Variants in ABI2 observed in about 807,000 individuals in gnomAD.
ABI2 encodes abl interactor 2.
A neutral mutation model predicts 59.2 loss-of-function variants in ABI2; 25 were observed. The ratio of observed to expected loss-of-function variants is 0.42; its 90% confidence interval spans 0.31 to 0.59. ABI2 has a LOEUF of 0.59. Among genes scored for constraint, ABI2 ranks in the 20% least tolerant of loss-of-function variants. The probability of loss-of-function intolerance (pLI) is 0.14; values close to 1 mark genes in which losing one functional copy is unlikely to be tolerated. For missense variants in ABI2, 545 were observed against 681.8 expected (o/e 0.80, Z 2.23); for synonymous variants, 213 against 235.5 (o/e 0.90, Z 0.87).
At chr2:203,409,226 A>C (rs113272073) in intron 9 of ABI2, among the ~76,000 whole-genome samples, 4 of 152,152 alleles carry the variant, frequency 2.6e-5, no homozygotes, top group African/African-American at 7.2e-5. Context: ...TCTGAGTGGG[A>C]AGCAGACACG....
intron 1 of ABI2, among the ~76,000 whole-genome samples, chr2:203,359,852 G>A (rs1389995670): frequency 2.6e-5 from 4 of 151,880 alleles, no homozygotes; most frequent in African/African-American, 9.7e-5. Flanking sequence ...TTTTGGGGGG[G>A]GGACACAAAA....
At chr2:203,350,833 C>T (rs915516316) in intron 1 of ABI2, among the ~76,000 whole-genome samples, 2 of 151,014 alleles carry the variant, frequency 1.3e-5, no homozygotes, top group Admixed American at 6.6e-5. Flanking sequence ...CCACTGTTCC[C>T]GGCCTTTTCT....
In ABI2 at chr2:203,395,881, T is replaced by TC. The variant is rs1184830535; in HGVS notation, c.850+102dup. Reference sequence around the variant, plus strand: ...CTTTCTTCGTAATCAGGATTTTTTTTCTTTAGGAATCATAAATATTGGGAA... The same window carrying TC: ...CTTTCTTCGTAATCAGGATTTTTTTTCCTTTAGGAATCATAAATATTGGGAA... On this transcript the variant is annotated intron_variant, in intron 7 of 11. Coordinates refer to ENST00000261018, the MANE Select transcript of ABI2 (RefSeq NM_001375670.1). 3.8e-6 allele frequency: 5 copies of TC among 1,308,000 alleles called. No homozygotes were observed. In the East Asian group the frequency reaches 1.0e-4, roughly 27 times the overall value. 81.0% of individuals were successfully genotyped at this position (1,308,000 alleles called of 1,614,324 possible). A position where few individuals can be genotyped will look rare whatever the true frequency, so the allele number is the denominator to read the frequency against.
rs368194378 is a variant in ABI2, at chr2:203,427,385, T to G, written c.*33T>G. 4.2e-5 allele frequency: 67 copies of G among 1,581,882 alleles called. No homozygotes were observed. In the East Asian group the frequency reaches 1.3e-3, roughly 30 times the overall value. On this transcript the variant is annotated 3_prime_UTR_variant, in exon 12 of 12. Coordinates refer to ENST00000261018, the MANE Select transcript of ABI2 (RefSeq NM_001375670.1). The stretch of plus-strand genomic sequence containing the variant: ...CAGGGCTGTGCTTGCCTCACAGGAA[T>G]AGTCAGGTCTTCCCAGATTATCTGA...
chr2:203,356,752 C>T (rs1051265091), intron 1 of ABI2, among the ~76,000 whole-genome samples: 2 of 152,142 alleles, frequency 1.3e-5, no homozygotes, highest in African/African-American at 2.4e-5. Flanking sequence ...CTTCCTGCCT[C>T]GACCTCCCAG....
intron 4 of ABI2, among the ~76,000 whole-genome samples, chr2:203,385,420 C>T (rs940057569): frequency 1.9e-4 from 29 of 152,182 alleles, no homozygotes; most frequent in Admixed American, 5.9e-4. Flanking sequence ...CGTGAGCCAC[C>T]GTGCCCGGCC....
chr2:203,365,681 G>C (rs1437899256), intron 1 of ABI2, among the ~76,000 whole-genome samples: 1 of 121,292 alleles, frequency 8.2e-6, no homozygotes, highest in African/African-American at 3.1e-5. Context: ...CCAGGCTAGA[G>C]TACAGTGCCA....
chr2:203,383,973 G>A (rs2096293923), intron 4 of ABI2, among the ~76,000 whole-genome samples: 1 of 151,892 alleles, frequency 6.6e-6, no homozygotes, highest in Non-Finnish European at 1.5e-5. Context: ...CATACTTTAG[G>A]ACCAGACATG....
chr2:203,380,664 C>A (rs1479712897), intron 3 of ABI2, among the ~76,000 whole-genome samples: 1 of 151,956 alleles, frequency 6.6e-6, no homozygotes, highest in Non-Finnish European at 1.5e-5. Context: ...GTAATCTTTC[C>A]AATTTTAATT....
intron 2 of ABI2, among the ~76,000 whole-genome samples, chr2:203,374,628 T>C (rs2095557168): frequency 6.6e-6 from 1 of 152,190 alleles, no homozygotes; most frequent in Non-Finnish European, 1.5e-5. Flanking sequence ...GTAGTTTTTA[T>C]ATCACTTTAT....
intron 1 of ABI2, among the ~76,000 whole-genome samples, chr2:203,331,667 C>T (rs984810792): frequency 2.0e-5 from 3 of 150,518 alleles, no homozygotes; most frequent in African/African-American, 7.3e-5. Context: ...GCCAATTTAG[C>T]CTTATTATAG....
intron 4 of ABI2, among the ~76,000 whole-genome samples, chr2:203,387,066 TTTTTTTTTTTC>T (rs1183308637): frequency 8.0e-6 from 1 of 124,514 alleles, no homozygotes; most frequent in Admixed American, 8.2e-5. Flanking sequence ...CTTTTTTTTT[TTTTTTTTTTTC>T]CCCACATGCC....
chr2:203,387,599 C>T (rs2096580826), intron 4 of ABI2, among the ~76,000 whole-genome samples: 1 of 152,098 alleles, frequency 6.6e-6, no homozygotes, highest in Admixed American at 6.5e-5. Flanking sequence ...CTTTCTTGTA[C>T]CTAATACCTG....
chr2:203,351,710 A>AT, intron 1 of ABI2: 2 of 300,082 alleles, frequency 6.7e-6, no homozygotes, highest in Admixed American at 4.8e-5. Context: ...TGATTTTCGT[A>AT]TTTTTTGTAG....
At chr2:203,412,742 G>A (rs2097729312) in intron 10 of ABI2, among the ~76,000 whole-genome samples, 1 of 152,204 alleles carries the variant, frequency 6.6e-6, no homozygotes, top group Admixed American at 6.5e-5. Flanking sequence ...TTCAGCATGT[G>A]CCAAGCACAT....
At chr2:203,381,335 G>GGCACAA (rs1459581103) in intron 3 of ABI2, among the ~76,000 whole-genome samples, 1 of 152,190 alleles carries the variant, frequency 6.6e-6, no homozygotes, top group African/African-American at 2.4e-5. Context: ...GGAGTGCAGT[G>GGCACAA]GCACAATCAT....
intron 1 of ABI2, among the ~76,000 whole-genome samples, chr2:203,357,595 T>C (rs2152848108): frequency 6.6e-6 from 1 of 152,348 alleles, no homozygotes; most frequent in East Asian, 1.9e-4. Flanking sequence ...ATTTCCAGTT[T>C]GTCTATACAT....
chr2:203,388,568 C>G (rs1196167698), intron 4 of ABI2, among the ~76,000 whole-genome samples: 1 of 152,014 alleles, frequency 6.6e-6, no homozygotes, highest in Non-Finnish European at 1.5e-5. Flanking sequence ...GTAATCCCAG[C>G]TACTCGGGAG....
intron 1 of ABI2, among the ~76,000 whole-genome samples, chr2:203,354,954 AT>A (rs1383190712): frequency 6.6e-6 from 1 of 152,172 alleles, no homozygotes; most frequent in Non-Finnish European, 1.5e-5. Flanking sequence ...TTGTCTTCTA[AT>A]ATCAGTTTCA....
Sources: gnomAD v4.1 joint callset for allele counts (sites outside exome capture counted in the v4.1 genomes callset) on GRCh38, gnomAD v4.1.1 for gene constraint, MANE v1.5 for transcripts, NCBI Gene and HGNC (gene_info 2026-07-23, HGNC 2026-07-21) for gene names.